The following SRSF7 variants were observed in gnomAD, a reference collection of about 807,000 sequenced individuals.
The protein encoded by SRSF7 is serine/arginine-rich splicing factor 7.
A neutral mutation model predicts 42.2 loss-of-function variants in SRSF7; 15 were observed. That is an observed-to-expected ratio of 0.36 (90% confidence interval 0.24 to 0.55). The LOEUF (loss-of-function observed/expected upper bound fraction) is 0.55, where lower values mean the gene tolerates loss of function less well. SRSF7 is among the 20% of genes least tolerant of loss of function. The pLI is 0.88. For missense variants in SRSF7, 181 were observed against 305.9 expected, an observed-to-expected ratio of 0.59 and a Z score of 3.04; for synonymous variants, 138 against 107.9, an observed-to-expected ratio of 1.28 and a Z score of -1.73.
intron 1 of SRSF7, chr2:38,750,944 G>T (rs1668248902): frequency 5.2e-6 from 2 of 386,384 alleles, no homozygotes; most frequent in South Asian, 6.1e-5. Context: ...GGGGGCCGGC[G>T]GGCAGCTCCG....
chr2:38,747,994 CTGA>C, intron 5 of SRSF7, 50 bp downstream of exon 5: 1 of 1,324,714 alleles, frequency 7.5e-7, no homozygotes, highest in Non-Finnish European at 1.1e-6. Flanking sequence ...AGACACTCTA[CTGA>C]TAAGATGTGA....
intron 5 of SRSF7, chr2:38,747,025 C>T (rs1331561185): frequency 2.2e-5 from 13 of 592,140 alleles, no homozygotes; most frequent in Non-Finnish European, 3.5e-5. Flanking sequence ...ACATGGTTTT[C>T]ATTTGATGAG....
At position 38,744,277 on chromosome 2, in the gene SRSF7, G is replaced by A; in HGVS notation, c.*856C>T. On this transcript the variant is annotated 3_prime_UTR_variant, in exon 8 of 8. Coordinates refer to ENST00000313117, the MANE Select transcript of SRSF7 (RefSeq NM_001031684.3). ...CATTTGAATAGATGAAGAGTATCTG[G>A]GCTGGAAAATTTTGCAAAGCTGGTT... The A allele has an allele frequency of 6.6e-6, 1 of 152,550 alleles. No homozygotes were observed. 9.4% of individuals were successfully genotyped at this position (152,550 alleles called of 1,614,324 possible).
At chr2:38,746,871 G>A (rs1299977784) in intron 5 of SRSF7, 124 bp from the exon 6 acceptor site, 2 of 1,477,042 alleles carry the variant, frequency 1.4e-6, no homozygotes, top group Non-Finnish European at 1.8e-6. Context: ...TGCAACACTT[G>A]CCTTATTCTG....
intron 7 of SRSF7, among the ~76,000 whole-genome samples, chr2:38,745,813 G>C (rs909679658): frequency 6.6e-6 from 1 of 152,124 alleles, no homozygotes; most frequent in Non-Finnish European, 1.5e-5. Flanking sequence ...CACTAGGCAG[G>C]TAACTATTTC....
chr2:38,748,404 T>G (rs1470992646), intron 4 of SRSF7, among the ~76,000 whole-genome samples, 175 bp downstream of exon 4: 3 of 152,114 alleles, frequency 2.0e-5, no homozygotes, highest in African/African-American at 7.2e-5. Flanking sequence ...GTAGGAGAAC[T>G]GCTTAAACCC....
At position 38,748,799 on chromosome 2, in the gene SRSF7, TA is replaced by T; in HGVS notation, c.387-147del. 34 of 1,190,480 alleles carry T rather than the reference TA, an allele frequency of 2.9e-5. No individual in the cohort carries two copies. The South Asian group carries it at 5.0e-4, about 17-fold the overall frequency. 73.7% of individuals were successfully genotyped at this position (1,190,480 alleles called of 1,614,324 possible). A position where few individuals can be genotyped will look rare whatever the true frequency, so the allele number is the denominator to read the frequency against. On this transcript the variant is annotated intron_variant, in intron 3 of 7. Transcript: ENST00000313117. ...AACTCTGGGCCTATTAGTTGTTGAG[TA>T]TTTTTTTTTTTACTACCTAAAAAAA... is the stretch of plus-strand genomic sequence containing the variant.
chr2:38,747,812 G>C (rs182394904), intron 5 of SRSF7, among the ~76,000 whole-genome samples: 206 of 152,322 alleles, frequency 1.4e-3, no homozygotes, highest in Non-Finnish European at 2.6e-3. Context: ...GAGTAGAACT[G>C]TATTGCTTGG....
At position 38,744,709 on chromosome 2, in the gene SRSF7, G is replaced by C; in HGVS notation, c.*424C>G. 1.2e-5 allele frequency: 2 copies of C among 165,644 alleles called. No individual in the cohort carries two copies. Among genetic ancestry groups the C allele is most frequent in the African/African-American group, 4.8e-5 (2 of 41,598 alleles). 10.3% of individuals were successfully genotyped at this position (165,644 alleles called of 1,614,324 possible). On this transcript the variant is annotated 3_prime_UTR_variant, in exon 8 of 8. Coordinates refer to ENST00000313117, the MANE Select transcript of SRSF7 (RefSeq NM_001031684.3). ...ATCTTACCCAGAGCTACAAGGGTAA[G>C]ATGGAATTTTCAAAGTCCCTTAAGA...
At chr2:38,748,995 TTCAA>T in intron 3 of SRSF7, 3 of 1,282,854 alleles carry the variant, frequency 2.3e-6, no homozygotes, top group Non-Finnish European at 3.0e-6. Context: ...AGATGTTTTC[TTCAA>T]TCTAACGACG....
Position 38,744,121 on chromosome 2 carries a change from T to C in SRSF7, c.*1012A>G. On this transcript the variant is annotated 3_prime_UTR_variant, in exon 8 of 8. Transcript: ENST00000313117. ...TGAGATTTACAAAACCACTTTAGTC[T>C]CATTGACATTTCTGATTGACATCTT... 6.6e-6 allele frequency: 1 copy of C among 152,626 alleles called. No individual in the cohort carries two copies. The highest frequency in any genetic ancestry group is 1.5e-5 in the Non-Finnish European group (1 of 68,044). The allele number at this position is 152,626 out of a possible 1,614,324, so 9.5% of individuals were successfully genotyped here.
At chr2:38,749,010 A>T in intron 3 of SRSF7, 1 of 1,291,710 alleles carries the variant, frequency 7.7e-7, no homozygotes, top group Non-Finnish European at 1.0e-6. Context: ...TCTAACGACG[A>T]TCAAACTGAC....
intron 4 of SRSF7, 135 bp from the exon 5 acceptor site, chr2:38,748,292 T>C: frequency 1.4e-6 from 1 of 708,184 alleles, no homozygotes; most frequent in Non-Finnish European, 2.4e-6. Context: ...GCCCAGGAGC[T>C]TGAGACCAGC....
intron 7 of SRSF7, 99 bp downstream of exon 7, chr2:38,746,045 A>G (rs1435114976): frequency 7.1e-6 from 9 of 1,268,108 alleles, no homozygotes; most frequent in Non-Finnish European, 1.0e-5. Flanking sequence ...TATAGCACCA[A>G]TTCTCCAAAG....
In SRSF7 at chr2:38,744,873, T is replaced by C; in HGVS notation, c.*260A>G. 1 of 430,688 alleles carries C rather than the reference T, an allele frequency of 2.3e-6. No individual in the cohort carries two copies. The highest frequency in any genetic ancestry group is 4.1e-5 in the South Asian group (1 of 24,512). The allele number at this position is 430,688 out of a possible 1,614,324, so 26.7% of individuals were successfully genotyped here. A position where few individuals can be genotyped will look rare whatever the true frequency, so the allele number is the denominator to read the frequency against. On this transcript the variant is annotated 3_prime_UTR_variant, in exon 8 of 8. Transcript: ENST00000313117. ...AATATATCAAATTAAGAAGTGTTAA[T>C]ATTGAACACAAATCAAAAATCTAGT...
chr2:38,749,908 G>A (rs1668027134), intron 2 of SRSF7, 106 bp downstream of exon 2: 2 of 1,330,196 alleles, frequency 1.5e-6, no homozygotes, highest in East Asian at 4.7e-5. Context: ...ACTATGACCA[G>A]CTATTTAAGG....
At position 38,746,194 on chromosome 2, in the gene SRSF7, G is replaced by A. The variant is rs1388114202; in HGVS notation, c.627-15C>T. The stretch of plus-strand genomic sequence containing the variant: ...ACTTTGATCGGCTGTCAAAACATGA[G>A]AAATTCTATTAAAGAAAGAGTACTA... On this transcript the variant is annotated splice_polypyrimidine_tract_variant and intron_variant, in intron 6 of 7. Coordinates refer to ENST00000313117, the MANE Select transcript of SRSF7 (RefSeq NM_001031684.3). 7 of 1,613,866 alleles carry A rather than the reference G, an allele frequency of 4.3e-6. No homozygotes were observed. Among genetic ancestry groups the A allele is most frequent in the African/African-American group, 2.7e-5 (2 of 75,008 alleles).
At chr2:38,748,544 T>C (rs769829417) in intron 4 of SRSF7, 35 bp downstream of exon 4, 11 of 1,597,252 alleles carry the variant, frequency 6.9e-6, no homozygotes, top group Admixed American at 1.7e-5. Context: ...AATTTAATAA[T>C]AATACAGAAA....
At chr2:38,746,464 T>C (rs1002323656) in intron 6 of SRSF7, among the ~76,000 whole-genome samples, 1 of 152,238 alleles carries the variant, frequency 6.6e-6, no homozygotes, top group Admixed American at 6.5e-5. Flanking sequence ...CAAGGGCCTC[T>C]TTAATATAAT....
Sources: allele counts gnomAD v4.1 joint callset (sites outside exome capture counted in the v4.1 genomes callset), GRCh38; gene constraint gnomAD v4.1.1; transcripts MANE v1.5; gene names NCBI Gene and HGNC (gene_info 2026-07-23, HGNC 2026-07-21).